The following ARHGAP25 variants were observed in gnomAD, a reference collection of about 807,000 sequenced individuals.
ARHGAP25 encodes Rho GTPase activating protein 25.
ARHGAP25 carries 34 observed loss-of-function variants against 71.0 expected under a neutral mutation model. The ratio of observed to expected loss-of-function variants is 0.48; its 90% confidence interval spans 0.36 to 0.64. ARHGAP25 has a LOEUF of 0.64. Among genes scored for constraint, ARHGAP25 ranks in the 30% least tolerant of loss-of-function variants. ARHGAP25 has a pLI of 0.00. For missense variants in ARHGAP25, 706 were observed against 805.1 expected (o/e 0.88, Z 1.49); for synonymous variants, 282 against 296.5 (o/e 0.95, Z 0.50).
intron 9 of ARHGAP25, 142 bp from the exon 10 acceptor site, chr2:68,822,198 T>C (rs1681736798): frequency 8.6e-6 from 7 of 813,054 alleles, no homozygotes; most frequent in Non-Finnish European, 1.4e-5. Flanking sequence ...CTAATGCAGA[T>C]AATCAAGTAA....
chr2:68,775,064 G>C, intron 1 of ARHGAP25, 157 bp from the exon 2 acceptor site: 4 of 1,532,912 alleles, frequency 2.6e-6, no homozygotes, highest in Non-Finnish European at 2.6e-6. Context: ...TGGCTCGGGG[G>C]GGACTTTCTC....
Position 68,813,371 on chromosome 2 carries a change from C to T in ARHGAP25, c.759C>T (p.Tyr253=), listed in dbSNP as rs74323133. 2.7e-4 allele frequency: 430 copies of T among 1,613,464 alleles called. 3 individuals are homozygous for T. In the Admixed American group the frequency reaches 4.8e-3, roughly 18 times the overall value. The stretch of plus-strand genomic sequence containing the variant: ...AGCCCGTGGTTCCCTGGAGCCAGTA[C>T]GAAGGGTTCCTGCTCTGTGGGCAGC... The part of the protein sequence containing the change: ...LPEPVVPWSQ[Y]EGFLLCGQLT... The change falls in exon 6 of 11, where the codon TAC becomes TAT. Residue 253 remains tyrosine (Y), a synonymous_variant. Transcript: ENST00000409202.
upstream of ARHGAP25, among the ~76,000 whole-genome samples, chr2:68,731,423 A>G (rs888955086): frequency 6.6e-6 from 1 of 150,550 alleles, no homozygotes; most frequent in Non-Finnish European, 1.5e-5. Context: ...CATGCTGCCG[A>G]CCTCTCTCCC....
intron 4 of ARHGAP25, 95 bp downstream of exon 4, chr2:68,788,051 A>G (rs1678881547): frequency 1.0e-6 from 1 of 981,010 alleles, no homozygotes; most frequent in Non-Finnish European, 1.6e-6. Context: ...GCAGTGCTCA[A>G]GGGAGACAAC....
At chr2:68,728,166 C>T (rs1388198323) in intron 2 of ARHGAP25, among the ~76,000 whole-genome samples, 3 of 152,092 alleles carry the variant, frequency 2.0e-5, no homozygotes, top group South Asian at 4.1e-4. Flanking sequence ...GGATGTTTCA[C>T]GAAGCAGGAA....
intron 1 of ARHGAP25, among the ~76,000 whole-genome samples, chr2:68,754,196 C>T (rs922195768): frequency 6.6e-6 from 1 of 152,196 alleles, no homozygotes; most frequent in Non-Finnish European, 1.5e-5. Flanking sequence ...ACAACCACCA[C>T]AATCAAGAGT....
In ARHGAP25 at chr2:68,802,424, A is replaced by AAAAT. The variant is rs1553406631; in HGVS notation, c.467-4846_467-4845insTAAA. On this transcript the variant is annotated intron_variant, in intron 4 of 10. Coordinates refer to ENST00000409202, the MANE Select transcript of ARHGAP25 (RefSeq NM_001007231.3). ...CTCCATCTCAAAAAAAAAAAAAAAA[A>AAAAT]AAAAAGAATGTGCCAACCTATTTGG... Among the ~76,000 whole-genome samples the AAAAT allele has an allele frequency of 2.0e-5, 3 of 151,744 alleles. No homozygotes were observed. In the East Asian group the frequency reaches 5.8e-4, roughly 29 times the overall value.
At chr2:68,785,575 G>A (rs887573081) in intron 3 of ARHGAP25, among the ~76,000 whole-genome samples, 1 of 152,100 alleles carries the variant, frequency 6.6e-6, no homozygotes, top group Non-Finnish European at 1.5e-5. Flanking sequence ...ATCAGTTTTG[G>A]ACATATTAAA....
At chr2:68,727,604 C>A (rs913115766) in intron 2 of ARHGAP25, among the ~76,000 whole-genome samples, 8 of 152,208 alleles carry the variant, frequency 5.3e-5, no homozygotes, top group African/African-American at 1.9e-4. Context: ...TAGACCCTCA[C>A]CTTCTGACTC....
At chr2:68,740,178 G>A (rs536626839) in intron 1 of ARHGAP25, among the ~76,000 whole-genome samples, 3 of 152,250 alleles carry the variant, frequency 2.0e-5, no homozygotes, top group African/African-American at 7.2e-5. Context: ...AGTCCCAGAT[G>A]GTGCCTAAGA....
intron 3 of ARHGAP25, among the ~76,000 whole-genome samples, chr2:68,786,511 A>G (rs1311489883): frequency 6.6e-6 from 1 of 152,228 alleles, no homozygotes; most frequent in Non-Finnish European, 1.5e-5. Context: ...TTCTATTTCA[A>G]AGGGATATTG....
intron 2 of ARHGAP25, among the ~76,000 whole-genome samples, chr2:68,779,789 A>T (rs1430864165): frequency 2.6e-5 from 4 of 152,204 alleles, no homozygotes; most frequent in Non-Finnish European, 5.9e-5. Flanking sequence ...CCTTCCTGGA[A>T]CAATTCTTCC....
At chr2:68,823,627 G>A (rs970095287) in intron 10 of ARHGAP25, among the ~76,000 whole-genome samples, 9 of 152,300 alleles carry the variant, frequency 5.9e-5, no homozygotes, top group Middle Eastern at 3.4e-3. Flanking sequence ...TAGAGGAGAT[G>A]AGGGTGGAGA....
intron 4 of ARHGAP25, among the ~76,000 whole-genome samples, chr2:68,794,074 G>A (rs188175030): frequency 3.9e-5 from 6 of 152,104 alleles, no homozygotes; most frequent in East Asian, 1.9e-4. Context: ...CAGCTAGATC[G>A]TTACTGGTGT....
chr2:68,824,570 G>A (rs1681963433), intron 10 of ARHGAP25, among the ~76,000 whole-genome samples: 1 of 152,134 alleles, frequency 6.6e-6, no homozygotes, highest in South Asian at 2.1e-4. Context: ...GTGAAACCAT[G>A]TCTCTCCTAA....
Position 68,826,795 on chromosome 2 carries a change from G to A in ARHGAP25, c.*601G>A, listed in dbSNP as rs531935920. The A allele has an allele frequency of 1.8e-4, 28 of 153,322 alleles. No individual in the cohort carries two copies. The South Asian group carries it at 5.0e-3, about 28-fold the overall frequency. The allele number at this position is 153,322 out of a possible 1,614,324, so 9.5% of individuals were successfully genotyped here. A position where few individuals can be genotyped will look rare whatever the true frequency, so the allele number is the denominator to read the frequency against. On this transcript the variant is annotated 3_prime_UTR_variant, in exon 11 of 11. Transcript: ENST00000409202. ...GTATTTATGCAAGCAAAATTGATGAGAAAATTATATTCAAATAAAGCAAAA... is the reference window on the plus strand; with the variant it reads ...GTATTTATGCAAGCAAAATTGATGAAAAAATTATATTCAAATAAAGCAAAA...
At chr2:68,722,446 C>A (rs1228111478) in intron 2 of ARHGAP25, among the ~76,000 whole-genome samples, 1 of 151,940 alleles carries the variant, frequency 6.6e-6, no homozygotes, top group Non-Finnish European at 1.5e-5. Flanking sequence ...GGCATGGTGG[C>A]ACATACCTGT....
At chr2:68,808,320 G>A (rs1680528981) in intron 5 of ARHGAP25, among the ~76,000 whole-genome samples, 1 of 152,218 alleles carries the variant, frequency 6.6e-6, no homozygotes. Context: ...AAAAATGAAA[G>A]TTGCTAAGCT....
intron 4 of ARHGAP25, among the ~76,000 whole-genome samples, chr2:68,805,115 C>T (rs1397262505): frequency 6.6e-6 from 1 of 152,128 alleles, no homozygotes; most frequent in Non-Finnish European, 1.5e-5. Context: ...ATTTTGTCCT[C>T]TTTGTCCTCC....
Sources: gnomAD v4.1 joint callset for allele counts (sites outside exome capture counted in the v4.1 genomes callset) on GRCh38, gnomAD v4.1.1 for gene constraint, MANE v1.5 for transcripts, NCBI Gene and HGNC (gene_info 2026-07-23, HGNC 2026-07-21) for gene names.